Variants in INPP5D observed in about 807,000 individuals in gnomAD.
The protein encoded by INPP5D is phosphatidylinositol 3,4,5-trisphosphate 5-phosphatase 1.
A neutral mutation model predicts 122.9 loss-of-function variants in INPP5D; 33 were observed. The ratio of observed to expected loss-of-function variants is 0.27; its 90% CI spans 0.20 to 0.36. The LOEUF (loss-of-function observed/expected upper bound fraction) is 0.36. Ranked by LOEUF, INPP5D falls within the 10% of genes least tolerant of loss-of-function variation. The pLI is 1.00. For synonymous variants in INPP5D, 584 were observed against 576.2 expected (o/e 1.01, Z -0.19); for missense variants, 1,053 against 1,412.7 (o/e 0.75, Z 4.08).
intron 8 of INPP5D, 116 bp from the exon 9 acceptor site, chr2:233,147,355 C>T (rs550880474): frequency 1.0e-4 from 65 of 637,780 alleles, no homozygotes; most frequent in African/African-American, 9.9e-4. Flanking sequence ...CCAGTGGCCC[C>T]ACGAAGGACG....
In INPP5D at chr2:233,107,211, G is replaced by C. The variant is rs570541471; in HGVS notation, c.199-14896G>C. Reference sequence around the variant, plus strand: ...GGCAGGGCTGCTGGTGGGTAGGCAGGGGGTAGGCAGGGACCCAGCCTGGGG... The same window carrying C: ...GGCAGGGCTGCTGGTGGGTAGGCAGCGGGTAGGCAGGGACCCAGCCTGGGG... On this transcript the variant is annotated intron_variant, in intron 2 of 26. Transcript: ENST00000445964. Among the ~76,000 whole-genome samples the C allele has an allele frequency of 8.7e-4, 132 of 152,236 alleles. 1 individual carries two copies. Among genetic ancestry groups the C allele is most frequent in the African/African-American group, 3.2e-3 (131 of 41,542 alleles).
chr2:233,068,729 T>C (rs1414676866), intron 1 of INPP5D, among the ~76,000 whole-genome samples: 1 of 152,146 alleles, frequency 6.6e-6, no homozygotes, highest in Non-Finnish European at 1.5e-5. Context: ...GGCAGAGGAT[T>C]GCTTAGGAAA....
chr2:233,197,886 C>T lies in INPP5D; in HGVS notation c.2694-209C>T, dbSNP rs77443371. On this transcript the variant is annotated intron_variant, in intron 24 of 26. Transcript: ENST00000445964. This position sits in a 1 kb window ranked among gnomAD's most constrained non-coding sequence, Gnocchi z 4.4. ...CACTCACAGCCATATTCCCTCCTCC[C>T]GGCCTGGGGCCAGGTGCTTACGAGG... Among the ~76,000 whole-genome samples the T allele has an allele frequency of 5.3e-3, 804 of 152,334 alleles. 10 individuals carry two copies. Among genetic ancestry groups the T allele is most frequent in the African/African-American group, 0.017 (707 of 41,574 alleles).
chr2:233,203,459 G>C (rs557771072), intron 25 of INPP5D, among the ~76,000 whole-genome samples: 1 of 152,300 alleles, frequency 6.6e-6, no homozygotes, highest in East Asian at 1.9e-4. Flanking sequence ...ATGTGAACAG[G>C]TTTTATAGTG....
chr2:233,120,012 C>G (rs759201607), intron 2 of INPP5D, among the ~76,000 whole-genome samples: 1 of 152,244 alleles, frequency 6.6e-6, no homozygotes, highest in Non-Finnish European at 1.5e-5. Context: ...CCAGATGCCA[C>G]CTGCTCACCA....
intron 18 of INPP5D, among the ~76,000 whole-genome samples, chr2:233,180,543 G>A (rs558440051): frequency 6.6e-6 from 1 of 151,644 alleles, no homozygotes; most frequent in Non-Finnish European, 1.5e-5. Flanking sequence ...TGTTTTTTTT[G>A]TTTTGTTTTG....
rs1392878652 is a variant in INPP5D, at chr2:233,189,010, A to G, written c.2359-840A>G. On this transcript the variant is annotated intron_variant, in intron 21 of 26. Coordinates refer to ENST00000445964, the MANE Select transcript of INPP5D (RefSeq NM_001017915.3). The surrounding 1 kb of genome is among the most constrained non-coding windows in gnomAD (Gnocchi z 5.6). ...TCACCTTTTTATTTGGCCCTTCTGT[A>G]TGGGAGTCATCGTGAGAAACAGCCC... Among the ~76,000 whole-genome samples the G allele has an allele frequency of 6.6e-6, 1 of 152,158 alleles. No individual in the cohort carries two copies. Among genetic ancestry groups the G allele is most frequent in the Non-Finnish European group, 1.5e-5 (1 of 68,036 alleles).
At chr2:233,134,175 G>A (rs1255252087) in intron 5 of INPP5D, 1 of 377,914 alleles carries the variant, frequency 2.6e-6, no homozygotes, top group African/African-American at 2.1e-5. Context: ...GGAGAGGGTG[G>A]TGGGAGGAGA....
chr2:233,089,444 T>C (rs955185392), intron 2 of INPP5D, among the ~76,000 whole-genome samples: 8 of 152,234 alleles, frequency 5.3e-5, no homozygotes, highest in African/African-American at 1.4e-4. Context: ...ATTGGAGCCA[T>C]GCTGTGGCTC....
chr2:233,207,291 G>A lies in INPP5D; in HGVS notation c.*583G>A, dbSNP rs1326960228. The stretch of plus-strand genomic sequence containing the variant: ...GGGCTCGGCCTTAAGGAGCTGAAGA[G>A]TCTGGGTAGCTTGTTTAGGGTACAA... On this transcript the variant is annotated 3_prime_UTR_variant, in exon 27 of 27. Coordinates refer to ENST00000445964, the MANE Select transcript of INPP5D (RefSeq NM_001017915.3). This position sits in a 1 kb window ranked among gnomAD's most constrained non-coding sequence, Gnocchi z 4.6. 1 of 152,920 alleles carries A rather than the reference G, an allele frequency of 6.5e-6. No homozygotes were observed. Among genetic ancestry groups the A allele is most frequent in the African/African-American group, 2.4e-5 (1 of 41,456 alleles). The allele number at this position is 152,920 out of a possible 1,614,324, so 9.5% of individuals were successfully genotyped here.
At chr2:233,119,637 G>A (rs554293167) in intron 2 of INPP5D, among the ~76,000 whole-genome samples, 37 of 152,164 alleles carry the variant, frequency 2.4e-4, no homozygotes, top group African/African-American at 8.4e-4. Flanking sequence ...CCCAGGCATA[G>A]ACTTACATAT....
At chr2:233,107,983 G>A (rs1313340353) in intron 2 of INPP5D, among the ~76,000 whole-genome samples, 1 of 152,164 alleles carries the variant, frequency 6.6e-6, no homozygotes, top group Non-Finnish European at 1.5e-5. Context: ...GACCATGCCT[G>A]GGAGAGGCCA....
chr2:233,069,719 C>G (rs186567614), intron 1 of INPP5D, among the ~76,000 whole-genome samples: 1 of 152,022 alleles, frequency 6.6e-6, no homozygotes, highest in African/African-American at 2.4e-5. Flanking sequence ...ACATGATGTG[C>G]GACACTTCAT....
At chr2:233,125,577 G>GC (rs910399451) in intron 3 of INPP5D, among the ~76,000 whole-genome samples, 168 bp from the exon 4 acceptor site, 1 of 152,172 alleles carries the variant, frequency 6.6e-6, no homozygotes, top group African/African-American at 2.4e-5. Flanking sequence ...ACTAGCCAGG[G>GC]CCCTGTGGCA....
chr2:233,107,992 C>T (rs1272607884), intron 2 of INPP5D, among the ~76,000 whole-genome samples: 1 of 152,142 alleles, frequency 6.6e-6, no homozygotes, highest in Non-Finnish European at 1.5e-5. Context: ...TGGGAGAGGC[C>T]AGTGGCGGCT....
chr2:233,127,671 C>G (rs199573251), intron 4 of INPP5D, among the ~76,000 whole-genome samples: 1 of 152,194 alleles, frequency 6.6e-6, no homozygotes, highest in Non-Finnish European at 1.5e-5. Context: ...TGCAAAGGCA[C>G]GATCTCAGCT....
Position 233,177,217 on chromosome 2 carries a change from AAAT to A in INPP5D, c.1990-39_1990-37del, listed in dbSNP as rs1694661114. 1.2e-6 allele frequency: 2 copies of A among 1,611,358 alleles called. No individual in the cohort carries two copies. Among genetic ancestry groups the A allele is most frequent in the South Asian group, 1.1e-5 (1 of 90,872 alleles). ...TAATCTGTTCTTTTACTGATTAAAA[AAAT>A]AATAATAAGAGGCATTTTTTAAAGC... On this transcript the variant is annotated intron_variant, in intron 17 of 26. Coordinates refer to ENST00000445964, the MANE Select transcript of INPP5D (RefSeq NM_001017915.3). The surrounding 1 kb of genome is among the most constrained non-coding windows in gnomAD (Gnocchi z 4.2).
At chr2:233,155,922 C>T (rs969114926) in intron 9 of INPP5D, among the ~76,000 whole-genome samples, 22 of 152,132 alleles carry the variant, frequency 1.4e-4, no homozygotes, top group Non-Finnish European at 3.2e-4. Context: ...TGTCAGGGGC[C>T]CCACAAGACC....
chr2:233,182,331 CT>C, intron 18 of INPP5D, 78 bp from the exon 19 acceptor site: 1 of 1,579,492 alleles, frequency 6.3e-7, no homozygotes, highest in Admixed American at 1.8e-5. Flanking sequence ...AAGTTTCTTT[CT>C]GCTTTAGGGT....
Sources: allele counts gnomAD v4.1 joint callset (sites outside exome capture counted in the v4.1 genomes callset), GRCh38; gene constraint gnomAD v4.1.1; non-coding constraint Gnocchi (gnomAD v3.1); transcripts MANE v1.5; gene names NCBI Gene and HGNC (gene_info 2026-07-23, HGNC 2026-07-21).